VARS2: variants seen among roughly 807,000 people sequenced by gnomAD.
VARS2 encodes the protein valyl-tRNA synthetase 2, mitochondrial.
In VARS2, 105 loss-of-function variants were observed where a neutral mutation model predicts 154.1. The observed-to-expected ratio is 0.68, with a 90% confidence interval of 0.58 to 0.80. The LOEUF is 0.80. Among genes scored for constraint, VARS2 ranks in the 30% least tolerant of loss-of-function variants. The pLI is 0.00. For synonymous variants in VARS2, 483 were observed against 539.5 expected (o/e 0.90, Z 1.45); for missense variants, 1,157 against 1,361.4 (o/e 0.85, Z 2.36).
chr6:30,921,976 C>T lies in VARS2; in HGVS notation c.1787C>T (p.Ala596Val). ...TCTTCTGCCCTGTTCCCCTTTTCTGCCCTGGGCTGGCCCCAAGAGGTGAGG... is the reference window on the plus strand; with the variant it reads ...TCTTCTGCCCTGTTCCCCTTTTCTGTCCTGGGCTGGCCCCAAGAGGTGAGG... ...WFSSALFPFS[A>V]LGWPQETPDL... The change falls in exon 19 of 30, where the codon GCC becomes GTC. Residue 596 changes from alanine (A) to valine (V), a missense_variant. Coordinates refer to ENST00000676266, the MANE Select transcript of VARS2 (RefSeq NM_020442.6). The surrounding 1 kb of genome is among the most constrained non-coding windows in gnomAD (Gnocchi z 4.6). 3 of 1,612,992 alleles carry T rather than the reference C, an allele frequency of 1.9e-6. No individual in the cohort carries two copies. The highest frequency in any genetic ancestry group is 2.5e-6 in the Non-Finnish European group (3 of 1,180,012).
In VARS2 at chr6:30,922,496, G is replaced by A; in HGVS notation, c.1979G>A (p.Ser660Asn). ...MVRDRQGRKM[S>N]KSLGNVLDPR... is the part of the protein sequence containing the mutation. ...CGGGACAGGCAGGGCCGGAAGATGA[G>A]CAAGTCCCTGGGGAATGTGCTGGAC... Residue 660 changes from serine (S) to asparagine (N), a missense_variant, in exon 21 of 30, where the codon AGC becomes AAC. Physicochemically the swap from Ser to Asn is conservative, Grantham distance 46. Coordinates refer to ENST00000676266, the MANE Select transcript of VARS2 (RefSeq NM_020442.6). 1 of 1,597,300 alleles carries A rather than the reference G, an allele frequency of 6.3e-7. No homozygotes were observed. Among genetic ancestry groups the A allele is most frequent in the Non-Finnish European group, 8.5e-7 (1 of 1,172,458 alleles).
chr6:30,915,630 C>T, intron 4 of VARS2, 116 bp from the exon 5 acceptor site: 2 of 1,533,564 alleles, frequency 1.3e-6, no homozygotes, highest in Admixed American at 1.8e-5. Flanking sequence ...TCTCCACTCT[C>T]CTCTTATTTG....
intron 20 of VARS2, 104 bp downstream of exon 20, chr6:30,922,345 CT>C: frequency 6.3e-7 from 1 of 1,598,164 alleles, no homozygotes; most frequent in Admixed American, 1.7e-5. Context: ...TTGCTGATTC[CT>C]TTTTCCTAAT....
chr6:30,920,326 T>C lies in VARS2; in HGVS notation c.1294-7T>C. 1 of 1,605,224 alleles carries C rather than the reference T, an allele frequency of 6.2e-7. No homozygotes were observed. Among genetic ancestry groups the C allele is most frequent in the Non-Finnish European group, 8.5e-7 (1 of 1,176,812 alleles). On this transcript the variant is annotated splice_polypyrimidine_tract_variant and splice_region_variant and intron_variant, in intron 13 of 29. Coordinates refer to ENST00000676266, the MANE Select transcript of VARS2 (RefSeq NM_020442.6). This position sits in a 1 kb window ranked among gnomAD's most constrained non-coding sequence, Gnocchi z 4.6. ...TTCAGTCTTTACTCTTGCCGCTTTT[T>C]CTCCAGGGTCTTCACCGGTTTGTGG...
At position 30,915,007 on chromosome 6, in the gene VARS2, T is replaced by A; in HGVS notation, c.171T>A (p.Thr57=). ...AGCGCCTGCGAGAGAAGCAGGCGAC[T>A]CTGGAGGCTGAGATAGCAGGGGAGA... The part of the protein sequence containing the change: ...KQKRLREKQA[T]LEAEIAGESK... Residue 57 remains threonine (T), a synonymous_variant, in exon 2 of 30, where the codon ACT becomes ACA. Transcript: ENST00000676266. 6.2e-7 allele frequency: 1 copy of A among 1,613,482 alleles called. No homozygotes were observed. Among genetic ancestry groups the A allele is most frequent in the Non-Finnish European group, 8.5e-7 (1 of 1,180,010 alleles).
chr6:30,915,326 G>GT, intron 3 of VARS2, 29 bp from the exon 4 acceptor site: 1 of 1,613,586 alleles, frequency 6.2e-7, no homozygotes, highest in Non-Finnish European at 8.5e-7. Context: ...AAGTTCAGTG[G>GT]TTAGTGGAGC....
Position 30,917,844 on chromosome 6 carries a change from C to A in VARS2, c.985+38C>A. 1 of 1,544,132 alleles carries A rather than the reference C, an allele frequency of 6.5e-7. No individual in the cohort carries two copies. The highest frequency in any genetic ancestry group is 8.8e-7 in the Non-Finnish European group (1 of 1,140,396). On this transcript the variant is annotated intron_variant, in intron 10 of 29. Coordinates refer to ENST00000676266, the MANE Select transcript of VARS2 (RefSeq NM_020442.6). The surrounding 1 kb of genome is among the most constrained non-coding windows in gnomAD (Gnocchi z 4.4). ...CTCTGCAGGGTCACCCGTTTACCTCCATTTTTCCTGTTTTCTGAAGCCCAT... is the reference window on the plus strand; with the variant it reads ...CTCTGCAGGGTCACCCGTTTACCTCAATTTTTCCTGTTTTCTGAAGCCCAT...
intron 11 of VARS2, 29 bp downstream of exon 11, chr6:30,918,944 G>A: frequency 6.3e-7 from 1 of 1,579,092 alleles, no homozygotes. Context: ...CTGCACTCTG[G>A]CCCGCCCCGC....
chr6:30,924,692 G>A (rs902287951), intron 26 of VARS2, 132 bp downstream of exon 26: 14 of 613,406 alleles, frequency 2.3e-5, no homozygotes, highest in South Asian at 1.4e-4. Context: ...AAGATGGATT[G>A]TTCCTGCAGG....
chr6:30,922,529 A>G lies in VARS2; in HGVS notation c.2012A>G (p.Asp671Gly). 6.4e-7 allele frequency: 1 copy of G among 1,574,752 alleles called. No homozygotes were observed. Among genetic ancestry groups the G allele is most frequent in the Non-Finnish European group, 8.6e-7 (1 of 1,160,090 alleles). ...CTGGGGAATGTGCTGGACCCAAGAG[A>G]CATCATCAGTGGGGTGGAGATGCAG... ...KSLGNVLDPR[D>G]IISGVEMQVL... Residue 671 changes from aspartate to glycine, a missense_variant, in exon 21 of 30, where the codon GAC (aspartate) becomes GGC (glycine). Coordinates refer to ENST00000676266, the MANE Select transcript of VARS2 (RefSeq NM_020442.6).
chr6:30,916,707 A>G lies in VARS2; in HGVS notation c.672-171A>G. On this transcript the variant is annotated intron_variant, in intron 7 of 29. Transcript: ENST00000676266. The surrounding 1 kb of genome is among the most constrained non-coding windows in gnomAD (Gnocchi z 4.0). The stretch of plus-strand genomic sequence containing the variant: ...TCTTTTGCCTCTTTTAATATCTTAG[A>G]AAACCCCATACTGGGTTTGTAAGTC... 2 of 644,656 alleles carry G rather than the reference A, an allele frequency of 3.1e-6. No individual in the cohort carries two copies. The highest frequency in any genetic ancestry group is 3.9e-5 in the South Asian group (2 of 51,444). 39.9% of individuals were successfully genotyped at this position (644,656 alleles called of 1,614,324 possible). A position where few individuals can be genotyped will look rare whatever the true frequency, so the allele number is the denominator to read the frequency against.
In VARS2 at chr6:30,914,966, C is replaced by T; in HGVS notation, c.130C>T (p.Arg44Cys). The change falls in exon 2 of 30, where the codon CGT (arginine) becomes TGT (cysteine). Residue 44 changes from arginine to cysteine, a missense_variant. Transcript: ENST00000676266. ...TGGATCTCCCATCTCCCGGAGGAAC[C>T]GTGAAGCCAAACAGAAGCGCCTGCG... ...PHGSPISRRN[R>C]EAKQKRLREK... is the part of the protein sequence containing the mutation. 1 of 1,613,108 alleles carries T rather than the reference C, an allele frequency of 6.2e-7. No individual in the cohort carries two copies. The highest frequency in any genetic ancestry group is 8.5e-7 in the Non-Finnish European group (1 of 1,180,036).
chr6:30,921,668 G>A lies in VARS2; in HGVS notation c.1712G>A (p.Gly571Glu). ...GCAGCGGAACTGACAGGGAGGCCAGGGGCAGAGCTGACCCTGGAGAGGGGT... is the reference window on the plus strand; with the variant it reads ...GCAGCGGAACTGACAGGGAGGCCAGAGGCAGAGCTGACCCTGGAGAGGGGT... ...EVAAELTGRP[G>E]AELTLERDPD... Residue 571 changes from glycine (G) to glutamate (E), a missense_variant, in exon 18 of 30, where the codon GGG (glycine) becomes GAG (glutamate). Transcript: ENST00000676266. The surrounding 1 kb of genome is among the most constrained non-coding windows in gnomAD (Gnocchi z 4.6). The A allele has an allele frequency of 6.2e-7, 1 of 1,607,370 alleles. No homozygotes were observed. Among genetic ancestry groups the A allele is most frequent in the South Asian group, 1.1e-5 (1 of 89,662 alleles).
At position 30,919,553 on chromosome 6, in the gene VARS2, T is replaced by C. The variant is rs1794377245; in HGVS notation, c.1075-205T>C. 3.3e-5 allele frequency: 15 copies of C among 451,008 alleles called. No individual in the cohort carries two copies. The highest frequency in any genetic ancestry group is 6.1e-5 in the South Asian group (1 of 16,272). 27.9% of individuals were successfully genotyped at this position (451,008 alleles called of 1,614,324 possible). On this transcript the variant is annotated intron_variant, in intron 11 of 29. Transcript: ENST00000676266. This position sits in a 1 kb window ranked among gnomAD's most constrained non-coding sequence, Gnocchi z 4.5. Reference sequence around the variant, plus strand: ...CTCCAGCTCTGCTGCAGTGGCATAATAGAGTAATTGTGCTGAGAATGAATT... The same window carrying C: ...CTCCAGCTCTGCTGCAGTGGCATAACAGAGTAATTGTGCTGAGAATGAATT...
Position 30,921,162 on chromosome 6 carries a change from G to C in VARS2, c.1556+21G>C. 6.2e-7 allele frequency: 1 copy of C among 1,613,964 alleles called. No individual in the cohort carries two copies. Among genetic ancestry groups the C allele is most frequent in the South Asian group, 1.1e-5 (1 of 91,058 alleles). ...ATTGGGTAAGGGTAGGGTAAGGGGA[G>C]CTCTTGTGGAGATGGGGAGGGGGGA... On this transcript the variant is annotated intron_variant, in intron 16 of 29. Coordinates refer to ENST00000676266, the MANE Select transcript of VARS2 (RefSeq NM_020442.6). This position sits in a 1 kb window ranked among gnomAD's most constrained non-coding sequence, Gnocchi z 4.6.
rs1252692192 is a variant in VARS2, at chr6:30,918,708, C to T, written c.986-119C>T. 3.4e-6 allele frequency: 3 copies of T among 873,742 alleles called. No homozygotes were observed. The East Asian group carries it at 7.8e-5, about 23-fold the overall frequency. 54.1% of individuals were successfully genotyped at this position (873,742 alleles called of 1,614,324 possible). A position where few individuals can be genotyped will look rare whatever the true frequency, so the allele number is the denominator to read the frequency against. On this transcript the variant is annotated intron_variant, in intron 10 of 29. Coordinates refer to ENST00000676266, the MANE Select transcript of VARS2 (RefSeq NM_020442.6). Reference sequence around the variant, plus strand: ...CTTTTTTCTAGTCACTCCTGGGGGCCTCTTCCACCTTGACTACTCCCTGCC... The same window carrying T: ...CTTTTTTCTAGTCACTCCTGGGGGCTTCTTCCACCTTGACTACTCCCTGCC...
chr6:30,915,447 G>C lies in VARS2; in HGVS notation c.376G>C (p.Glu126Gln). Reference protein sequence around the residue: ...WWVREGFFKPEYQARLPQATG... With the variant: ...WWVREGFFKPQYQARLPQATG... ...GGTACGAGAGGGCTTCTTCAAACCA[G>C]AATATCAGGTTAGTATCTGGCAGGG... Residue 126 changes from glutamate to glutamine, a missense_variant, in exon 4 of 30, where the codon GAA becomes CAA. Coordinates refer to ENST00000676266, the MANE Select transcript of VARS2 (RefSeq NM_020442.6). 1.2e-6 allele frequency: 2 copies of C among 1,614,024 alleles called. No homozygotes were observed. The highest frequency in any genetic ancestry group is 1.7e-6 in the Non-Finnish European group (2 of 1,180,020).
At position 30,923,150 on chromosome 6, in the gene VARS2, T is replaced by C; in HGVS notation, c.2232T>C (p.His744=). The change falls in exon 24 of 30, where the codon CAT becomes CAC. Residue 744 remains histidine (H), a synonymous_variant. Transcript: ENST00000676266. ...TCTCTGAGGTCCAGAGCTGCCGACA[T>C]TTCTGCAACAAGATCTGGAATGCTC... ...LSVSEVQSCR[H]FCNKIWNALR... is the part of the protein sequence containing the mutation. 11 of 1,613,076 alleles carry C rather than the reference T, an allele frequency of 6.8e-6. No individual in the cohort carries two copies. Among genetic ancestry groups the C allele is most frequent in the Non-Finnish European group, 9.3e-6 (11 of 1,180,018 alleles).
Position 30,916,319 on chromosome 6 carries a change from C to T in VARS2, c.671+70C>T. On this transcript the variant is annotated intron_variant, in intron 7 of 29. Coordinates refer to ENST00000676266, the MANE Select transcript of VARS2 (RefSeq NM_020442.6). This position sits in a 1 kb window ranked among gnomAD's most constrained non-coding sequence, Gnocchi z 4.0. Reference sequence around the variant, plus strand: ...GGTTTCTTGCCTCCCACCACTATCACTCCTGACTTGTAATCCTTGGCTCTT... The same window carrying T: ...GGTTTCTTGCCTCCCACCACTATCATTCCTGACTTGTAATCCTTGGCTCTT... 1 of 1,303,078 alleles carries T rather than the reference C, an allele frequency of 7.7e-7. No individual in the cohort carries two copies. Among genetic ancestry groups the T allele is most frequent in the South Asian group, 1.4e-5 (1 of 70,646 alleles). 80.7% of individuals were successfully genotyped at this position (1,303,078 alleles called of 1,614,324 possible). A position where few individuals can be genotyped will look rare whatever the true frequency, so the allele number is the denominator to read the frequency against.
Sources: gnomAD v4.1 joint callset for allele counts on GRCh38, gnomAD v4.1.1 for gene constraint, Gnocchi (gnomAD v3.1) non-coding constraint, MANE v1.5 for transcripts, NCBI Gene and HGNC (gene_info 2026-07-23, HGNC 2026-07-21) for gene names.